Variants in FSTL4 observed in about 807,000 individuals in gnomAD.
The protein encoded by FSTL4 is follistatin like 4.
In FSTL4, 28 loss-of-function variants were observed where a neutral mutation model predicts 78.2. The ratio of observed to expected loss-of-function variants is 0.36; its 90% CI spans 0.27 to 0.49. The LOEUF is 0.49. Among genes scored for constraint, FSTL4 ranks in the 20% least tolerant of loss-of-function variants. FSTL4 has a pLI of 0.98. For missense variants in FSTL4, 922 were observed against 1,084.9 expected, an observed-to-expected ratio of 0.85 and a Z score of 2.11; for synonymous variants, 422 against 440.5, an observed-to-expected ratio of 0.96 and a Z score of 0.53.
At chr5:133,832,557 G>A in the FSTL4 span, among the ~76,000 whole-genome samples, 2 of 152,228 alleles carry the variant, frequency 1.3e-5, no homozygotes, top group Non-Finnish European at 2.9e-5. Context: ...ATCTCAGCCA[G>A]ATACTAGGTA....
chr5:133,746,364 T>C, the FSTL4 span, among the ~76,000 whole-genome samples: 1 of 152,202 alleles, frequency 6.6e-6, no homozygotes, highest in Non-Finnish European at 1.5e-5. Context: ...CCTGTCCTTC[T>C]CTCAGATGGG....
intron 3 of FSTL4, among the ~76,000 whole-genome samples, chr5:133,524,289 C>T (rs1759045445): frequency 6.6e-6 from 1 of 152,138 alleles, no homozygotes; most frequent in South Asian, 2.1e-4. Context: ...TTATCCTAAG[C>T]CTAATGGGAG....
intron 3 of FSTL4, among the ~76,000 whole-genome samples, chr5:133,488,371 C>T (rs1758181122): frequency 6.6e-6 from 1 of 152,206 alleles, no homozygotes; most frequent in Non-Finnish European, 1.5e-5. Flanking sequence ...TCTCATGTCT[C>T]AGCCTCCTGA....
Position 133,603,400 on chromosome 5 carries a change from G to A in FSTL4, c.126+458C>T, listed in dbSNP as rs184959616. Among the ~76,000 whole-genome samples, 23 of 152,232 alleles carry A rather than the reference G, an allele frequency of 1.5e-4. No individual in the cohort carries two copies. The East Asian group carries it at 4.4e-3, about 29-fold the overall frequency. Reference sequence around the variant, plus strand: ...CTGTTCATTAAAGCACTCTCCCTTAGGACCTCCACTTGCCAGTTCTTTCTC... The same window carrying A: ...CTGTTCATTAAAGCACTCTCCCTTAAGACCTCCACTTGCCAGTTCTTTCTC... On this transcript the variant is annotated intron_variant, in intron 2 of 15. Transcript: ENST00000265342.
At chr5:133,755,631 A>G in the FSTL4 span, among the ~76,000 whole-genome samples, 23 of 152,142 alleles carry the variant, frequency 1.5e-4, no homozygotes, top group African/African-American at 5.3e-4. Flanking sequence ...TTCTACTTGC[A>G]TCTTCAAAAT....
intron 3 of FSTL4, among the ~76,000 whole-genome samples, chr5:133,465,508 A>C (rs1272293196): frequency 6.6e-6 from 1 of 152,184 alleles, no homozygotes; most frequent in East Asian, 1.9e-4. Context: ...AGCCCAGCCC[A>C]TGGTGGGAGC....
chr5:133,701,414 A>G, the FSTL4 span, among the ~76,000 whole-genome samples: 3 of 150,460 alleles, frequency 2.0e-5, no homozygotes, highest in Admixed American at 1.3e-4. Flanking sequence ...AAAAAAAAAA[A>G]AAAGAAAGAA....
the FSTL4 span, among the ~76,000 whole-genome samples, chr5:133,789,585 C>T: frequency 6.6e-6 from 1 of 152,140 alleles, no homozygotes; most frequent in African/African-American, 2.4e-5. Flanking sequence ...TGGGAAAAGC[C>T]GGGATGCAAA....
chr5:133,340,818 T>A (rs1360997381), intron 4 of FSTL4, among the ~76,000 whole-genome samples: 1 of 151,856 alleles, frequency 6.6e-6, no homozygotes, highest in East Asian at 1.9e-4. Context: ...ACTAATAAAA[T>A]GAGGATGTGG....
intron 4 of FSTL4, among the ~76,000 whole-genome samples, chr5:133,320,875 C>T (rs3863178): frequency 0.76 from 115,447 of 151,674 alleles, 44,973 homozygotes; most frequent in African/African-American, 0.92. Flanking sequence ...GGCATGGTGG[C>T]GGGCGCCTGT....
chr5:133,438,519 T>C (rs924661177), intron 3 of FSTL4, among the ~76,000 whole-genome samples: 3 of 152,218 alleles, frequency 2.0e-5, no homozygotes, highest in Admixed American at 2.0e-4. Flanking sequence ...CACATGTACA[T>C]GTCGTTAAGA....
intron 3 of FSTL4, among the ~76,000 whole-genome samples, chr5:133,444,277 A>G (rs898072646): frequency 6.6e-6 from 1 of 152,224 alleles, no homozygotes. Flanking sequence ...CAGACCGTTC[A>G]TGATTTCATG....
the FSTL4 span, among the ~76,000 whole-genome samples, chr5:133,630,708 G>C: frequency 6.6e-6 from 1 of 152,128 alleles, no homozygotes; most frequent in African/African-American, 2.4e-5. Flanking sequence ...AAAGAACAAA[G>C]CTGGAGGCAT....
intron 7 of FSTL4, among the ~76,000 whole-genome samples, chr5:133,240,013 C>G (rs140558389): frequency 2.1e-4 from 32 of 152,342 alleles, no homozygotes; most frequent in African/African-American, 6.7e-4. Flanking sequence ...TTCCTTTCCA[C>G]GCAGTGGAAG....
chr5:133,488,596 G>A (rs1292460275), intron 3 of FSTL4, among the ~76,000 whole-genome samples: 3 of 152,174 alleles, frequency 2.0e-5, no homozygotes, highest in Non-Finnish European at 2.9e-5. Context: ...GATTGATGAC[G>A]GGACATGTCC....
At chr5:133,474,933 G>A (rs908995614) in intron 3 of FSTL4, among the ~76,000 whole-genome samples, 1 of 152,172 alleles carries the variant, frequency 6.6e-6, no homozygotes, top group Non-Finnish European at 1.5e-5. Flanking sequence ...CACAGTGTTC[G>A]CGGGGAAACC....
rs181476984 is a variant in FSTL4, at chr5:133,262,503, A to C, written c.728-12927T>G. ...ACCCATGCGCCAGGACCACCTTCCT[A>C]AATGTCCACAGCTCCTCCTGTAACC... is the stretch of plus-strand genomic sequence containing the variant. On this transcript the variant is annotated intron_variant, in intron 6 of 15. Coordinates refer to ENST00000265342, the MANE Select transcript of FSTL4 (RefSeq NM_015082.2). Among the ~76,000 whole-genome samples the C allele has an allele frequency of 1.0e-3, 159 of 152,262 alleles. 1 individual carries two copies. The highest frequency in any genetic ancestry group is 1.2e-3 in the Non-Finnish European group (83 of 67,998).
chr5:133,396,236 G>T (rs961599643), intron 4 of FSTL4, among the ~76,000 whole-genome samples: 1 of 152,228 alleles, frequency 6.6e-6, no homozygotes. Context: ...CCCTAGTGCT[G>T]TTGACACTGC....
chr5:133,683,871 C>A, the FSTL4 span, among the ~76,000 whole-genome samples: 2 of 152,196 alleles, frequency 1.3e-5, no homozygotes, highest in Non-Finnish European at 2.9e-5. Context: ...GCCCTCCCTG[C>A]TGGGGCGAAG....
Sources: gnomAD v4.1 joint callset for allele counts (sites outside exome capture counted in the v4.1 genomes callset) on GRCh38, gnomAD v4.1.1 for gene constraint, MANE v1.5 for transcripts, NCBI Gene and HGNC (gene_info 2026-07-23, HGNC 2026-07-21) for gene names.